ZNF740: variants seen among roughly 807,000 people sequenced by gnomAD.
ZNF740 encodes zinc finger protein 740.
Under a neutral mutation model 24.8 loss-of-function variants are expected in ZNF740, and 14 were observed. The observed-to-expected ratio is 0.56, with a 90% CI of 0.37 to 0.88. The LOEUF is 0.88. ZNF740 is among the 40% of genes least tolerant of loss of function. ZNF740 has a pLI of 0.00. For synonymous variants in ZNF740, 69 were observed against 84.0 expected (o/e 0.82, Z 0.98); for missense variants, 201 against 247.9 (o/e 0.81, Z 1.27).
rs182090375 is a variant in ZNF740, at chr12:53,184,094, A to C, written c.10-797A>C. 7.9e-3 allele frequency among the ~76,000 whole-genome samples: 1,179 copies of C among 149,256 alleles called. 18 individuals are homozygous for C. Among genetic ancestry groups the C allele is most frequent in the African/African-American group, 0.028 (1,137 of 40,410 alleles). On this transcript the variant is annotated intron_variant, in intron 2 of 6. Transcript: ENST00000416904. ...GCACCAGCAAGATCTGCCAATCAAA[A>C]GTGGGCTCTGAAGCTAAGGGGTGTG...
At position 53,184,150 on chromosome 12, in the gene ZNF740, T is replaced by TGTGTGCGCGCGC. The variant is rs59250662; in HGVS notation, c.10-740_10-739insTGTGCGCGCGCG. ...GTGTGTGTGTGTGTGTGTGTGTGTGTGCGCGCGCGCGCTCTGAAGCTAAGG... is the reference window on the plus strand; with the variant it reads ...GTGTGTGTGTGTGTGTGTGTGTGTGTGTGTGCGCGCGCGCGCGCGCGCGCTCTGAAGCTAAGG... On this transcript the variant is annotated intron_variant, in intron 2 of 6. Transcript: ENST00000416904. Among the ~76,000 whole-genome samples, 76 of 104,416 alleles carry TGTGTGCGCGCGC rather than the reference T, an allele frequency of 7.3e-4. 1 individual carries two copies. Among genetic ancestry groups the TGTGTGCGCGCGC allele is most frequent in the African/African-American group, 2.5e-3 (68 of 26,772 alleles). 68.5% of individuals were successfully genotyped at this position (104,416 alleles called of 152,430 possible). A position where few individuals can be genotyped will look rare whatever the true frequency, so the allele number is the denominator to read the frequency against.
intron 2 of ZNF740, among the ~76,000 whole-genome samples, chr12:53,184,114 GGTGT>G (rs754768891): frequency 0.025 from 3,039 of 123,538 alleles, 41 homozygotes; most frequent in South Asian, 0.047. Flanking sequence ...GAAGCTAAGG[GGTGT>G]GTGTGTGTGT....
intron 2 of ZNF740, 200 bp downstream of exon 2, chr12:53,182,192 T>A: frequency 1.5e-6 from 1 of 660,734 alleles, no homozygotes; most frequent in Non-Finnish European, 2.6e-6. Flanking sequence ...ATGAAGGAGG[T>A]AGGCTATACT....
At position 53,191,080 on chromosome 12, in the gene ZNF740, C is replaced by G. The variant is rs1941926418; in HGVS notation, c.*3490C>G. 2 of 200,730 alleles carry G rather than the reference C, an allele frequency of 1.0e-5. No homozygotes were observed. The highest frequency in any genetic ancestry group is 2.3e-5 in the African/African-American group (1 of 43,618). 12.4% of individuals were successfully genotyped at this position (200,730 alleles called of 1,614,324 possible). ...AGGACGGAAGGAGGCTAGACACCAACAGATGCAGTGTCTCTGACCTGGGAC... is the reference window on the plus strand; with the variant it reads ...AGGACGGAAGGAGGCTAGACACCAAGAGATGCAGTGTCTCTGACCTGGGAC... On this transcript the variant is annotated 3_prime_UTR_variant, in exon 7 of 7. Transcript: ENST00000416904.
At position 53,185,017 on chromosome 12, in the gene ZNF740, G is replaced by A; in HGVS notation, c.136G>A (p.Asp46Asn). The stretch of plus-strand genomic sequence containing the variant: ...GAATGGCGAGCGGGCAGGTAGCCCT[G>A]ATGTGCTGAGGTGCTCGAGTCAGGT... ...AENGERAGSP[D>N]VLRCSSQGHR... Residue 46 changes from aspartate (D) to asparagine (N), a missense_variant, in exon 3 of 7, where the codon GAT becomes AAT. Asp to Asn is a conservative substitution (Grantham distance 23, BLOSUM62 1). This residue lies in a region of ZNF740 where 117 missense variants were observed against 122.3 expected (regional missense o/e 0.96). Transcript: ENST00000416904. 6.2e-7 allele frequency: 1 copy of A among 1,614,016 alleles called. No individual in the cohort carries two copies. The highest frequency in any genetic ancestry group is 8.5e-7 in the Non-Finnish European group (1 of 1,179,908).
rs759211981 is a variant in ZNF740 at position 53,192,947 on chromosome 12, C to CCA, written c.*5366_*5367dup. 8 of 1,590,432 alleles carry CCA rather than the reference C, an allele frequency of 5.0e-6. No homozygotes were observed. The highest frequency in any genetic ancestry group is 6.9e-6 in the Non-Finnish European group (8 of 1,160,228). On this transcript the variant is annotated 3_prime_UTR_variant, in exon 7 of 7. Coordinates refer to ENST00000416904, the MANE Select transcript of ZNF740 (RefSeq NM_001004304.4). ...CCATGCAGAGGGTGACAACCATACTCCACACACACAGTTGGCCATCATGTG... is the reference window on the plus strand; with the variant it reads ...CCATGCAGAGGGTGACAACCATACTCCACACACACACAGTTGGCCATCATGTG...
Position 53,194,059 on chromosome 12 carries a change from G to C in ZNF740, c.*6469G>C, listed in dbSNP as rs1029129706. 1.5e-6 allele frequency: 2 copies of C among 1,379,228 alleles called. No individual in the cohort carries two copies. The highest frequency in any genetic ancestry group is 1.4e-5 in the African/African-American group (1 of 70,416). 85.4% of individuals were successfully genotyped at this position (1,379,228 alleles called of 1,614,324 possible). The stretch of plus-strand genomic sequence containing the variant: ...CATGCCTGAGGAAGCCACTCAGACT[G>C]CTCCAGGAAGGATGGATGGAGGACT... On this transcript the variant is annotated 3_prime_UTR_variant, in exon 7 of 7. Transcript: ENST00000416904.
In ZNF740 at chr12:53,193,519, A is replaced by G; in HGVS notation, c.*5929A>G. Reference sequence around the variant, plus strand: ...GTATAGTGAAACACTGAGGGGTGAGAGAGTGGAGGGAGCCCCAGTCAGGGG... The same window carrying G: ...GTATAGTGAAACACTGAGGGGTGAGGGAGTGGAGGGAGCCCCAGTCAGGGG... On this transcript the variant is annotated 3_prime_UTR_variant, in exon 7 of 7. Coordinates refer to ENST00000416904, the MANE Select transcript of ZNF740 (RefSeq NM_001004304.4). The G allele has an allele frequency of 1.4e-6, 1 of 736,482 alleles. No homozygotes were observed. The highest frequency in any genetic ancestry group is 2.7e-5 in the East Asian group (1 of 36,712). 45.6% of individuals were successfully genotyped at this position (736,482 alleles called of 1,614,324 possible). A position where few individuals can be genotyped will look rare whatever the true frequency, so the allele number is the denominator to read the frequency against.
chr12:53,186,611 T>C, intron 6 of ZNF740, 102 bp downstream of exon 6: 2 of 895,226 alleles, frequency 2.2e-6, no homozygotes, highest in Non-Finnish European at 3.5e-6. Flanking sequence ...CCAGCGTTAC[T>C]CGCCATAATA....
chr12:53,185,355 G>A (rs374094433), intron 3 of ZNF740, 32 bp from the exon 4 acceptor site: 8 of 1,607,244 alleles, frequency 5.0e-6, no homozygotes, highest in Middle Eastern at 1.7e-4. Context: ...TCCGAGATGG[G>A]CTATGAGTTT....
chr12:53,193,133 C>CACCTGGAG lies in ZNF740; in HGVS notation c.*5544_*5545insCCTGGAGA. 6.2e-7 allele frequency: 1 copy of CACCTGGAG among 1,600,232 alleles called. No individual in the cohort carries two copies. The highest frequency in any genetic ancestry group is 2.2e-5 in the East Asian group (1 of 44,578). The stretch of plus-strand genomic sequence containing the variant: ...GACCCCGCCCTTCTCCCCAAGGCTC[C>CACCTGGAG]AGGTACCTCCGCAGAGGATGCCCTC... On this transcript the variant is annotated 3_prime_UTR_variant, in exon 7 of 7. Coordinates refer to ENST00000416904, the MANE Select transcript of ZNF740 (RefSeq NM_001004304.4).
At position 53,187,596 on chromosome 12, in the gene ZNF740, A is replaced by G. The variant is rs1470461141; in HGVS notation, c.*6A>G. The G allele has an allele frequency of 6.2e-7, 1 of 1,613,334 alleles. No individual in the cohort carries two copies. The highest frequency in any genetic ancestry group is 1.3e-5 in the African/African-American group (1 of 74,904). The stretch of plus-strand genomic sequence containing the variant: ...ACGGGCAGTTTTCTCTATAGGCGCA[A>G]GGGGCCCCGGGTGGTGGGAGTGATC... On this transcript the variant is annotated 3_prime_UTR_variant, in exon 7 of 7. Transcript: ENST00000416904.
rs59250662 is a variant in ZNF740 at position 53,184,150 on chromosome 12, T to TGTGCGCGC, written c.10-740_10-739insTGCGCGCG. Among the ~76,000 whole-genome samples, 907 of 104,368 alleles carry TGTGCGCGC rather than the reference T, an allele frequency of 8.7e-3. 9 individuals carry two copies. The highest frequency in any genetic ancestry group is 0.02 in the Middle Eastern group (4 of 204). The allele number at this position is 104,368 out of a possible 152,430, so 68.5% of individuals were successfully genotyped here. A position where few individuals can be genotyped will look rare whatever the true frequency, so the allele number is the denominator to read the frequency against. On this transcript the variant is annotated intron_variant, in intron 2 of 6. Transcript: ENST00000416904. ...GTGTGTGTGTGTGTGTGTGTGTGTG[T>TGTGCGCGC]GCGCGCGCGCGCTCTGAAGCTAAGG... is the stretch of plus-strand genomic sequence containing the variant.
intron 1 of ZNF740, chr12:53,181,078 C>G (rs563730846): frequency 1.2e-6 from 1 of 852,890 alleles, no homozygotes; most frequent in East Asian, 1.2e-4. Flanking sequence ...CGGGCGCGAG[C>G]ACGCATCTCG....
At chr12:53,181,247 G>A in intron 1 of ZNF740, 9 of 985,412 alleles carry the variant, frequency 9.1e-6, no homozygotes, top group Non-Finnish European at 1.1e-5. Flanking sequence ...CGGGGAGAAC[G>A]CACACGTGTG....
Position 53,193,018 on chromosome 12 carries a change from C to A in ZNF740, c.*5428C>A. On this transcript the variant is annotated 3_prime_UTR_variant, in exon 7 of 7. Coordinates refer to ENST00000416904, the MANE Select transcript of ZNF740 (RefSeq NM_001004304.4). ...CAATCTTTTTGAAGTATGCCAACCA[C>A]ACCCTCTAACCCATACACCGGAATC... 1 of 1,355,410 alleles carries A rather than the reference C, an allele frequency of 7.4e-7. No individual in the cohort carries two copies. The highest frequency in any genetic ancestry group is 1.0e-6 in the Non-Finnish European group (1 of 968,682). 84.0% of individuals were successfully genotyped at this position (1,355,410 alleles called of 1,614,324 possible).
In ZNF740 at chr12:53,192,048, G is replaced by C. The variant is rs1342932132; in HGVS notation, c.*4458G>C. On this transcript the variant is annotated 3_prime_UTR_variant, in exon 7 of 7. Transcript: ENST00000416904. The stretch of plus-strand genomic sequence containing the variant: ...TGAACAAGAAACCAGACACACTTGT[G>C]GGAGCTGGAGCATAGGGACAGATCA... 6.2e-7 allele frequency: 1 copy of C among 1,604,596 alleles called. No individual in the cohort carries two copies. The highest frequency in any genetic ancestry group is 1.7e-5 in the Admixed American group (1 of 59,194).
chr12:53,192,156 C>A lies in ZNF740; in HGVS notation c.*4566C>A. 1.6e-6 allele frequency: 2 copies of A among 1,246,222 alleles called. No individual in the cohort carries two copies. The highest frequency in any genetic ancestry group is 2.3e-5 in the Admixed American group (1 of 44,246). 77.2% of individuals were successfully genotyped at this position (1,246,222 alleles called of 1,614,324 possible). A position where few individuals can be genotyped will look rare whatever the true frequency, so the allele number is the denominator to read the frequency against. On this transcript the variant is annotated 3_prime_UTR_variant, in exon 7 of 7. Transcript: ENST00000416904. Reference sequence around the variant, plus strand: ...GAACCCAGGGAGGTCCAAGGTTATCCTCACCGCCCAGGGCCTTAGCCTCGT... The same window carrying A: ...GAACCCAGGGAGGTCCAAGGTTATCATCACCGCCCAGGGCCTTAGCCTCGT...
In ZNF740 at chr12:53,193,320, CCACAGAGCACT is replaced by C. The variant is rs1942035548; in HGVS notation, c.*5739_*5749del. ...TCCAGGTCTGGGGAGGACAGCTCTG[CCACAGAGCACT>C]CACAGAGCCGACCTAGGCGGCCAGG... On this transcript the variant is annotated 3_prime_UTR_variant, in exon 7 of 7. Coordinates refer to ENST00000416904, the MANE Select transcript of ZNF740 (RefSeq NM_001004304.4). 1.2e-6 allele frequency: 2 copies of C among 1,606,444 alleles called. No individual in the cohort carries two copies. The highest frequency in any genetic ancestry group is 1.3e-5 in the African/African-American group (1 of 74,726).
Sources: allele counts gnomAD v4.1 joint callset (sites outside exome capture counted in the v4.1 genomes callset), GRCh38; gene constraint gnomAD v4.1.1; regional missense constraint gnomAD v4.1.1; transcripts MANE v1.5; gene names NCBI Gene and HGNC (gene_info 2026-07-23, HGNC 2026-07-21).